The following FHIT variants were observed in gnomAD, a reference collection of about 807,000 sequenced individuals.
The protein encoded by FHIT is fragile histidine triad diadenosine triphosphatase.
FHIT carries 19 observed loss-of-function variants against 17.9 expected under a neutral mutation model. The ratio of observed to expected loss-of-function variants is 1.06; its 90% CI spans 0.74 to 1.56. FHIT has a LOEUF of 1.56. Among genes scored for constraint, FHIT ranks in the 40% most tolerant of loss-of-function variants. FHIT has a pLI of 0.00. For synonymous variants in FHIT, 81 were observed against 69.7 expected, an observed-to-expected ratio of 1.16 and a Z score of -0.81; for missense variants, 248 against 189.2, an observed-to-expected ratio of 1.31 and a Z score of -1.82.
At chr3:61,055,925 C>T (rs1559946267) in intron 2 of FHIT, among the ~76,000 whole-genome samples, 3 of 152,124 alleles carry the variant, frequency 2.0e-5, no homozygotes, top group Non-Finnish European at 4.4e-5. Flanking sequence ...GTAATAATCA[C>T]ATCAGGGTAC....
intron 4 of FHIT, chr3:60,730,506 G>A (rs774454165): frequency 1.2e-4 from 22 of 190,842 alleles, no homozygotes; most frequent in African/African-American, 1.9e-4. Context: ...AGCCACCTTC[G>A]AAGATGAGGC....
At chr3:61,106,458 C>T (rs1432873953) in intron 2 of FHIT, among the ~76,000 whole-genome samples, 1 of 152,080 alleles carries the variant, frequency 6.6e-6, no homozygotes, top group Admixed American at 6.6e-5. Context: ...CTCCCTATTC[C>T]CCCACCTCCT....
At chr3:60,966,007 C>T (rs527794992) in intron 3 of FHIT, among the ~76,000 whole-genome samples, 1 of 152,182 alleles carries the variant, frequency 6.6e-6, no homozygotes, top group African/African-American at 2.4e-5. Context: ...TTTCTGCTGC[C>T]TTTTTTTCAG....
chr3:60,513,126 C>A (rs2035011861), intron 5 of FHIT, among the ~76,000 whole-genome samples: 1 of 152,166 alleles, frequency 6.6e-6, no homozygotes, highest in Non-Finnish European at 1.5e-5. Context: ...AGCATCCTAA[C>A]ATCTGCAGCA....
intron 3 of FHIT, among the ~76,000 whole-genome samples, chr3:60,888,657 T>C (rs1329426365): frequency 6.6e-6 from 1 of 152,212 alleles, no homozygotes; most frequent in African/African-American, 2.4e-5. Flanking sequence ...AACCAACTAA[T>C]TGGTATATAT....
chr3:60,565,389 A>G (rs1319730187), intron 4 of FHIT, among the ~76,000 whole-genome samples: 1 of 152,154 alleles, frequency 6.6e-6, no homozygotes, highest in Non-Finnish European at 1.5e-5. Context: ...GCTGATCCCA[A>G]ATACAAAATA....
chr3:60,806,597 G>A (rs546123181), intron 4 of FHIT, among the ~76,000 whole-genome samples: 1 of 152,302 alleles, frequency 6.6e-6, no homozygotes, highest in South Asian at 2.1e-4. Flanking sequence ...GGCTCCCATG[G>A]TATTTGTTCA....
chr3:59,947,104 T>A (rs1358830786), intron 7 of FHIT, among the ~76,000 whole-genome samples: 1 of 152,210 alleles, frequency 6.6e-6, no homozygotes, highest in Non-Finnish European at 1.5e-5. Flanking sequence ...CTCCTCTTTA[T>A]ATGTCTAGTA....
intron 3 of FHIT, among the ~76,000 whole-genome samples, chr3:60,999,988 C>T (rs142768633): frequency 3.3e-5 from 5 of 152,214 alleles, no homozygotes; most frequent in Non-Finnish European, 7.4e-5. Flanking sequence ...GCACTAATCC[C>T]ATCCATGAGG....
At position 60,568,513 on chromosome 3, in the gene FHIT, C is replaced by T. The variant is rs190888162; in HGVS notation, c.-17-31534G>A. Among the ~76,000 whole-genome samples the T allele has an allele frequency of 2.6e-4, 39 of 151,878 alleles. No homozygotes were observed. The East Asian group carries it at 4.5e-3, about 17-fold the overall frequency. On this transcript the variant is annotated intron_variant, in intron 4 of 9. Coordinates refer to ENST00000492590, the MANE Select transcript of FHIT (RefSeq NM_002012.4). ...AGGAGATATACCTAATGTTAAATCA[C>T]GAGTTGATGGGTGCAGCACACCAAC...
intron 8 of FHIT, among the ~76,000 whole-genome samples, chr3:59,813,145 T>C (rs1700466591): frequency 6.6e-6 from 1 of 152,208 alleles, no homozygotes; most frequent in African/African-American, 2.4e-5. Flanking sequence ...TTACAATTAA[T>C]CATTATTTCA....
chr3:61,042,388 A>G (rs1432621248), intron 2 of FHIT, among the ~76,000 whole-genome samples: 1 of 152,228 alleles, frequency 6.6e-6, no homozygotes, highest in Non-Finnish European at 1.5e-5. Flanking sequence ...GTGTTCAAAG[A>G]TGAAATCATA....
chr3:60,034,015 G>C (rs1701109012), intron 5 of FHIT, among the ~76,000 whole-genome samples: 1 of 152,200 alleles, frequency 6.6e-6, no homozygotes, highest in African/African-American at 2.4e-5. Context: ...GCATATTCAA[G>C]ATAACAATAA....
At chr3:61,225,468 T>C (rs1436521241) in intron 1 of FHIT, among the ~76,000 whole-genome samples, 1 of 152,218 alleles carries the variant, frequency 6.6e-6, no homozygotes, top group Non-Finnish European at 1.5e-5. Context: ...AAAATGGTCA[T>C]ACCAAATTCA....
chr3:59,794,452 G>C (rs1699697091), intron 8 of FHIT, among the ~76,000 whole-genome samples: 1 of 152,092 alleles, frequency 6.6e-6, no homozygotes, highest in African/African-American at 2.4e-5. Context: ...CTTTTCATTT[G>C]CTATGGAGGC....
intron 1 of FHIT, among the ~76,000 whole-genome samples, chr3:61,235,476 C>A (rs2040208245): frequency 6.6e-6 from 1 of 151,892 alleles, no homozygotes; most frequent in African/African-American, 2.4e-5. Flanking sequence ...TTTTTATGTG[C>A]AGATAGATCA....
At chr3:60,397,407 A>C (rs914027675) in intron 5 of FHIT, among the ~76,000 whole-genome samples, 1 of 152,154 alleles carries the variant, frequency 6.6e-6, no homozygotes, top group African/African-American at 2.4e-5. Flanking sequence ...GGGTACTTCC[A>C]AGAGAGGTCT....
At chr3:60,430,775 T>C (rs974177613) in intron 5 of FHIT, among the ~76,000 whole-genome samples, 3 of 152,130 alleles carry the variant, frequency 2.0e-5, no homozygotes, top group African/African-American at 7.2e-5. Flanking sequence ...TAAGGTTCGA[T>C]GTACTCTACT....
At chr3:60,098,432 A>T (rs1054975754) in intron 5 of FHIT, among the ~76,000 whole-genome samples, 2 of 151,274 alleles carry the variant, frequency 1.3e-5, no homozygotes, top group Non-Finnish European at 2.9e-5. Context: ...ATGGTATCTC[A>T]TTGTGGTTTT....
Sources: gnomAD v4.1 joint callset for allele counts (sites outside exome capture counted in the v4.1 genomes callset) on GRCh38, gnomAD v4.1.1 for gene constraint, MANE v1.5 for transcripts, NCBI Gene and HGNC (gene_info 2026-07-23, HGNC 2026-07-21) for gene names.